The following UBAC2 variants were observed in gnomAD, a reference collection of about 807,000 sequenced individuals.
The protein encoded by UBAC2 is ubiquitin-associated domain-containing protein 2.
Under a neutral mutation model 44.0 loss-of-function variants are expected in UBAC2, and 26 were observed. That is an observed-to-expected ratio of 0.59 (90% CI 0.43 to 0.82). UBAC2 has a LOEUF of 0.82. UBAC2 is among the 40% of genes least tolerant of loss of function. The probability of loss-of-function intolerance (pLI) is 0.00; values close to 1 mark genes in which losing one functional copy is unlikely to be tolerated. For synonymous variants in UBAC2, 155 were observed against 154.3 expected (o/e 1.00, Z -0.04); for missense variants, 329 against 419.4 (o/e 0.78, Z 1.88).
At chr13:99,314,461 T>C (rs553883915) in intron 5 of UBAC2, among the ~76,000 whole-genome samples, 1 of 152,340 alleles carries the variant, frequency 6.6e-6, no homozygotes. Flanking sequence ...CTGTAATTTG[T>C]ATCTGTGGAA....
intron 1 of UBAC2, among the ~76,000 whole-genome samples, chr13:99,225,423 C>G (rs1365767492): frequency 6.6e-6 from 1 of 152,186 alleles, no homozygotes; most frequent in African/African-American, 2.4e-5. Flanking sequence ...CTTTTTGTGA[C>G]CGGCTTATTT....
intron 1 of UBAC2, among the ~76,000 whole-genome samples, chr13:99,229,383 G>C (rs576019178): frequency 1.3e-5 from 2 of 152,348 alleles, no homozygotes; most frequent in African/African-American, 4.8e-5. Flanking sequence ...ATTTTCCAAA[G>C]GCATTGAAAC....
intron 4 of UBAC2, among the ~76,000 whole-genome samples, chr13:99,274,146 C>G (rs1382773665): frequency 6.6e-6 from 1 of 152,148 alleles, no homozygotes; most frequent in African/African-American, 2.4e-5. Flanking sequence ...TGACTTTTAA[C>G]ACCCTGATCT....
intron 4 of UBAC2, among the ~76,000 whole-genome samples, chr13:99,292,092 C>G (rs16956420): frequency 0.01 from 1,525 of 151,746 alleles, 31 homozygotes; most frequent in African/African-American, 0.035. Context: ...GAGTTGTCTT[C>G]TTTATGGCCA....
intron 6 of UBAC2, among the ~76,000 whole-genome samples, chr13:99,336,264 ACTTT>A (rs2044787503): frequency 6.6e-6 from 1 of 152,156 alleles, no homozygotes; most frequent in African/African-American, 2.4e-5. Context: ...AATTCTGAAT[ACTTT>A]CTTCAGGCCT....
intron 8 of UBAC2, among the ~76,000 whole-genome samples, chr13:99,375,794 TTTTTCC>T (rs2045471669): frequency 7.0e-6 from 1 of 143,820 alleles, no homozygotes; most frequent in South Asian, 2.2e-4. Context: ...TCTCTTTTCC[TTTTTCC>T]CTTTTTTTTT....
At chr13:99,368,241 G>A (rs2045357984) in intron 8 of UBAC2, among the ~76,000 whole-genome samples, 1 of 152,104 alleles carries the variant, frequency 6.6e-6, no homozygotes, top group South Asian at 2.1e-4. Flanking sequence ...GAGGGAGTGT[G>A]CCTTTGGCAT....
chr13:99,326,918 G>A (rs2044647443), intron 6 of UBAC2, among the ~76,000 whole-genome samples: 1 of 152,190 alleles, frequency 6.6e-6, no homozygotes, highest in Admixed American at 6.5e-5. Context: ...GTATGAAGAG[G>A]TTTTCAAAGT....
intron 4 of UBAC2, among the ~76,000 whole-genome samples, chr13:99,247,205 TTTTG>T (rs1450715443): frequency 2.8e-5 from 4 of 142,536 alleles, no homozygotes; most frequent in East Asian, 2.1e-4. Flanking sequence ...GTTTTTTTTT[TTTTG>T]TTTTGTTTTG....
In UBAC2 at chr13:99,295,404, G is replaced by A. The variant is rs1259242279; in HGVS notation, c.390-18693G>A. On this transcript the variant is annotated intron_variant, in intron 4 of 8. Transcript: ENST00000403766. This position sits in a 1 kb window ranked among gnomAD's most constrained non-coding sequence, Gnocchi z 4.1. The stretch of plus-strand genomic sequence containing the variant: ...CAGAGAACAAACACAACAATAATAA[G>A]AATAATTGTGTTGAGAGCCTTTTTG... 2.5e-6 allele frequency: 4 copies of A among 1,614,016 alleles called. No individual in the cohort carries two copies. The South Asian group carries it at 4.4e-5, about 18-fold the overall frequency.
intron 4 of UBAC2, chr13:99,255,945 G>A: frequency 2.6e-5 from 36 of 1,366,740 alleles, no homozygotes; most frequent in South Asian, 1.3e-4. Flanking sequence ...TAAAATCGTT[G>A]GTTAAAAAAT....
intron 4 of UBAC2, among the ~76,000 whole-genome samples, chr13:99,308,168 C>T (rs1829382094): frequency 6.6e-6 from 1 of 152,200 alleles, no homozygotes. Flanking sequence ...ATATGTAGCA[C>T]TCAGATCAGG....
intron 1 of UBAC2, among the ~76,000 whole-genome samples, chr13:99,210,099 A>G (rs1197920589): frequency 6.6e-6 from 1 of 152,220 alleles, no homozygotes; most frequent in East Asian, 1.9e-4. Context: ...TAACCACACT[A>G]TAGGAAGTTT....
At chr13:99,276,396 C>T (rs1177761929) in intron 4 of UBAC2, among the ~76,000 whole-genome samples, 1 of 152,200 alleles carries the variant, frequency 6.6e-6, no homozygotes, top group Non-Finnish European at 1.5e-5. Flanking sequence ...AGGTCTGATA[C>T]ATTTGCAGGA....
At chr13:99,354,561 G>A (rs2045147016) in intron 7 of UBAC2, among the ~76,000 whole-genome samples, 1 of 152,210 alleles carries the variant, frequency 6.6e-6, no homozygotes, top group Non-Finnish European at 1.5e-5. Context: ...ACTTACAGAT[G>A]GGAAACAGGA....
intron 4 of UBAC2, chr13:99,255,695 A>G: frequency 6.2e-7 from 1 of 1,614,078 alleles, no homozygotes; most frequent in Non-Finnish European, 8.5e-7. Flanking sequence ...TTCATCATAT[A>G]GATGGTTACC....
chr13:99,283,756 A>G (rs1434487265), intron 4 of UBAC2, among the ~76,000 whole-genome samples: 4 of 65,850 alleles, frequency 6.1e-5, no homozygotes, highest in African/African-American at 1.8e-4. Context: ...TTTTTTTGAG[A>G]CTGAGTCTTG....
Position 99,352,544 on chromosome 13 carries a change from G to C in UBAC2, c.807+11979G>C, listed in dbSNP as rs142985001. ...TTTAGATAGCAAGATCTGCCTAGTA[G>C]AGCTTTATGTGTGCAAGTGCCACTC... On this transcript the variant is annotated intron_variant, in intron 7 of 8. Coordinates refer to ENST00000403766, the MANE Select transcript of UBAC2 (RefSeq NM_001144072.2). Among the ~76,000 whole-genome samples the C allele has an allele frequency of 9.8e-5, 15 of 152,336 alleles. No homozygotes were observed. In the East Asian group the frequency reaches 2.9e-3, roughly 29 times the overall value.
At chr13:99,376,477 G>T (rs528789229) in intron 8 of UBAC2, among the ~76,000 whole-genome samples, 1 of 152,212 alleles carries the variant, frequency 6.6e-6, no homozygotes, top group Non-Finnish European at 1.5e-5. Flanking sequence ...CTTCATCCCC[G>T]TGAGGGCGGA....
Sources: allele counts gnomAD v4.1 joint callset (sites outside exome capture counted in the v4.1 genomes callset), GRCh38; gene constraint gnomAD v4.1.1; non-coding constraint Gnocchi (gnomAD v3.1); transcripts MANE v1.5; gene names NCBI Gene and HGNC (gene_info 2026-07-23, HGNC 2026-07-21).